Variants in CPD observed in about 807,000 individuals in gnomAD.
The protein encoded by CPD is carboxypeptidase D, also known as metallocarboxypeptidase D.
Under a neutral mutation model 138.3 loss-of-function variants are expected in CPD, and 69 were observed. The ratio of observed to expected loss-of-function variants is 0.50; its 90% CI spans 0.41 to 0.61. CPD has a LOEUF of 0.61. CPD is among the 20% of genes least tolerant of loss of function. The pLI is 0.00. For synonymous variants in CPD, 651 were observed against 642.1 expected, an observed-to-expected ratio of 1.01 and a Z score of -0.21; for missense variants, 1,432 against 1,733.3, an observed-to-expected ratio of 0.83 and a Z score of 3.09.
chr17:30,444,183 T>C (rs1912959553), intron 11 of CPD: 1 of 423,608 alleles, frequency 2.4e-6, no homozygotes, highest in Non-Finnish European at 4.2e-6. Context: ...GTAAATATTC[T>C]AGTTATTGCT....
intron 3 of CPD, among the ~76,000 whole-genome samples, chr17:30,421,425 T>A (rs570206886): frequency 1.3e-4 from 20 of 152,272 alleles, no homozygotes; most frequent in African/African-American, 4.3e-4. Flanking sequence ...GAAATCTGGC[T>A]TTGAGGAGAG....
At chr17:30,437,941 A>AT (rs1230297006) in intron 8 of CPD, among the ~76,000 whole-genome samples, 1 of 138,194 alleles carries the variant, frequency 7.2e-6, no homozygotes, top group African/African-American at 2.8e-5. Context: ...GGGTCAAGCT[A>AT]TTTTCCCATC....
At chr17:30,456,220 A>T (rs1913288306) in intron 15 of CPD, 36 bp from the exon 16 acceptor site, 1 of 1,522,878 alleles carries the variant, frequency 6.6e-7, no homozygotes, top group Non-Finnish European at 9.0e-7. Context: ...AATCATTTGG[A>T]TTTCTCCACT....
At position 30,469,775 on chromosome 17, in the gene CPD, C is replaced by T. The variant is rs544303286; in HGVS notation, c.*4961C>T. 4.8e-4 allele frequency: 73 copies of T among 152,226 alleles called. No individual in the cohort carries two copies. The highest frequency in any genetic ancestry group is 9.6e-4 in the Non-Finnish European group (65 of 68,012). 9.4% of individuals were successfully genotyped at this position (152,226 alleles called of 1,614,324 possible). Reference sequence around the variant, plus strand: ...ATTTATGCTTCTTTAGTGAAAACAACGTTACTTAACTGCTACAGGAAGTGT... The same window carrying T: ...ATTTATGCTTCTTTAGTGAAAACAATGTTACTTAACTGCTACAGGAAGTGT... On this transcript the variant is annotated 3_prime_UTR_variant, in exon 21 of 21. Coordinates refer to ENST00000225719, the MANE Select transcript of CPD (RefSeq NM_001304.5).
chr17:30,420,859 A>G lies in CPD; in HGVS notation c.1013A>G (p.Asn338Ser), dbSNP rs573932634. 4 of 1,611,578 alleles carry G rather than the reference A, an allele frequency of 2.5e-6. No homozygotes were observed. Among genetic ancestry groups the G allele is most frequent in the African/African-American group, 1.3e-5 (1 of 75,016 alleles). The stretch of plus-strand genomic sequence containing the variant: ...GTTACAGGTGGTATGCAAGATTACA[A>G]TTATGTGTGGGCCAACTGTTTTGAG... ...YDVEGGMQDY[N>S]YVWANCFEIT... Residue 338 changes from asparagine (N) to serine (S), a missense_variant, in exon 3 of 21, where the codon AAT (asparagine) becomes AGT (serine). By Grantham distance (46) the Asn-to-Ser change is conservative (BLOSUM62 1). Transcript: ENST00000225719.
intron 2 of CPD, among the ~76,000 whole-genome samples, chr17:30,404,193 A>T (rs745814627): frequency 2.4e-4 from 36 of 152,246 alleles, no homozygotes; most frequent in Admixed American, 5.2e-4. Flanking sequence ...AAATGGGATG[A>T]ATTTTATAGC....
At chr17:30,453,579 G>A (rs1913218841) in intron 14 of CPD, among the ~76,000 whole-genome samples, 1 of 152,180 alleles carries the variant, frequency 6.6e-6, no homozygotes, top group Non-Finnish European at 1.5e-5. Context: ...CATGGTGCAA[G>A]CTGTCGTGGA....
intron 1 of CPD, chr17:30,380,384 C>G (rs977305758): frequency 6.8e-6 from 6 of 877,398 alleles, no homozygotes; most frequent in Middle Eastern, 4.3e-4. Flanking sequence ...CAATTTTTAC[C>G]TCTGACTCAG....
rs768531303 is a variant in CPD, at chr17:30,439,105, A to G, written c.2230+28A>G. 5 of 1,313,172 alleles carry G rather than the reference A, an allele frequency of 3.8e-6. No homozygotes were observed. In the African/African-American group the frequency reaches 6.0e-5, roughly 16 times the overall value. 81.3% of individuals were successfully genotyped at this position (1,313,172 alleles called of 1,614,324 possible). ...AAAGATTCTTTTATATCAAGGCCTT[A>G]CAACTTGATGGCCTTTCTGCTTTCC... On this transcript the variant is annotated intron_variant, in intron 9 of 20. Coordinates refer to ENST00000225719, the MANE Select transcript of CPD (RefSeq NM_001304.5).
chr17:30,394,267 A>G (rs1022690723), intron 2 of CPD, among the ~76,000 whole-genome samples: 2 of 151,746 alleles, frequency 1.3e-5, no homozygotes, highest in East Asian at 1.9e-4. Context: ...ACTCAAGCCT[A>G]TAAGTTTAGC....
intron 14 of CPD, chr17:30,454,059 C>G (rs1377232296): frequency 6.6e-6 from 1 of 151,974 alleles, no homozygotes; most frequent in Non-Finnish European, 1.5e-5. Flanking sequence ...CCGAGAAGGT[C>G]TCTGACATGG....
intron 2 of CPD, among the ~76,000 whole-genome samples, chr17:30,390,952 C>T (rs533124312): frequency 3.3e-5 from 5 of 151,986 alleles, no homozygotes; most frequent in African/African-American, 1.2e-4. Flanking sequence ...GCCTCAGTCT[C>T]CTGAGTAGCT....
intron 2 of CPD, among the ~76,000 whole-genome samples, chr17:30,412,324 CATGGGATCAG>C (rs1186951737): frequency 6.6e-6 from 1 of 152,220 alleles, no homozygotes; most frequent in Non-Finnish European, 1.5e-5. Context: ...AGTCAGTCTA[CATGGGATCAG>C]GGACCCACTT....
At chr17:30,380,530 A>G in intron 1 of CPD, 1 of 1,437,256 alleles carries the variant, frequency 7.0e-7, no homozygotes, top group Non-Finnish European at 9.1e-7. Flanking sequence ...CACTTCTAAT[A>G]CACACTTTAA....
chr17:30,386,169 A>G (rs1911180668), intron 2 of CPD, among the ~76,000 whole-genome samples: 1 of 152,116 alleles, frequency 6.6e-6, no homozygotes, highest in Non-Finnish European at 1.5e-5. Flanking sequence ...AGCTGGAACT[A>G]TAGATGTGTG....
At chr17:30,394,323 A>G (rs1911441795) in intron 2 of CPD, among the ~76,000 whole-genome samples, 1 of 152,056 alleles carries the variant, frequency 6.6e-6, no homozygotes, top group African/African-American at 2.4e-5. Context: ...TGTCCTTCCC[A>G]AATGTGAACC....
chr17:30,384,902 A>C, intron 1 of CPD, 87 bp from the exon 2 acceptor site: 1 of 1,462,980 alleles, frequency 6.8e-7, no homozygotes. Flanking sequence ...ATTGGAGTTT[A>C]TTTCTAAAAG....
intron 9 of CPD, among the ~76,000 whole-genome samples, chr17:30,439,292 A>G (rs1912784621): frequency 6.6e-6 from 1 of 151,600 alleles, no homozygotes; most frequent in African/African-American, 2.4e-5. Flanking sequence ...ACTTGATTAA[A>G]TGGTTACATT....
In CPD at chr17:30,461,179, G is replaced by T; in HGVS notation, c.3499-1G>T. The T allele has an allele frequency of 6.3e-7, 1 of 1,584,866 alleles. No homozygotes were observed. Among genetic ancestry groups the T allele is most frequent in the Non-Finnish European group, 8.6e-7 (1 of 1,168,216 alleles). On this transcript the variant is annotated splice_acceptor_variant, in intron 17 of 20. Transcript: ENST00000225719. LOFTEE classifies it high-confidence loss of function. The stretch of plus-strand genomic sequence containing the variant: ...ATTTGATTTTGAACTTTATATTCTA[G>T]GATTATAGTGTCACCTATGGCCATT...
Sources: allele counts gnomAD v4.1 joint callset (sites outside exome capture counted in the v4.1 genomes callset), GRCh38; gene constraint gnomAD v4.1.1; transcripts MANE v1.5; gene names NCBI Gene and HGNC (gene_info 2026-07-23, HGNC 2026-07-21).